GPR26: variants seen among roughly 807,000 people sequenced by gnomAD.
GPR26 encodes G protein-coupled receptor 26.
A neutral mutation model predicts 23.1 loss-of-function variants in GPR26; 15 were observed. The observed-to-expected ratio is 0.65, with a 90% confidence interval of 0.43 to 1.00. The LOEUF (loss-of-function observed/expected upper bound fraction) is 1.00, where lower values mean the gene tolerates loss of function less well. GPR26 is among the 50% of genes least tolerant of loss of function. The probability of loss-of-function intolerance (pLI) is 0.00; values close to 1 mark genes in which losing one functional copy is unlikely to be tolerated. For synonymous variants in GPR26, 228 were observed against 222.1 expected (o/e 1.03, Z -0.24); for missense variants, 359 against 470.5 (o/e 0.76, Z 2.19).
intron 2 of GPR26, among the ~76,000 whole-genome samples, chr10:123,686,477 G>T (rs146319736): frequency 4.8e-4 from 73 of 152,330 alleles, no homozygotes; most frequent in African/African-American, 1.7e-3. Flanking sequence ...AGACAGTGGT[G>T]CTGAAAATGG....
intron 2 of GPR26, among the ~76,000 whole-genome samples, chr10:123,678,490 GA>G (rs1845332760): frequency 6.6e-6 from 1 of 152,208 alleles, no homozygotes; most frequent in Non-Finnish European, 1.5e-5. Flanking sequence ...TTGGGGTCAG[GA>G]GGCCTGAAGG....
rs1171570885 is a variant in GPR26, at chr10:123,694,450, A to T, written c.*6290A>T. The T allele has an allele frequency of 2.6e-5, 4 of 152,228 alleles. No individual in the cohort carries two copies. The highest frequency in any genetic ancestry group is 9.7e-5 in the African/African-American group (4 of 41,422). 9.4% of individuals were successfully genotyped at this position (152,228 alleles called of 1,614,324 possible). On this transcript the variant is annotated 3_prime_UTR_variant, in exon 3 of 3. Transcript: ENST00000284674. ...TGATAGAAGTCTTGAGGTTGGGAAT[A>T]TAAGAATTAGGTCTCTTTTAGAAAG...
chr10:123,674,736 C>G lies in GPR26; in HGVS notation c.669-82C>G, dbSNP rs1845286945. 2.1e-5 allele frequency: 18 copies of G among 840,336 alleles called. No homozygotes were observed. The East Asian group carries it at 4.7e-4, about 22-fold the overall frequency. 52.1% of individuals were successfully genotyped at this position (840,336 alleles called of 1,614,324 possible). The stretch of plus-strand genomic sequence containing the variant: ...AGTCAAGTTCTCACACTAGAGACTG[C>G]TGCCTGTGTTAGTAAATAGTGCCTC... On this transcript the variant is annotated intron_variant, in intron 1 of 2. Transcript: ENST00000284674. The surrounding 1 kb of genome is among the most constrained non-coding windows in gnomAD (Gnocchi z 4.1).
intron 2 of GPR26, among the ~76,000 whole-genome samples, chr10:123,676,609 C>G (rs1430927699): frequency 6.6e-6 from 1 of 152,188 alleles, no homozygotes. Context: ...CTAGACCCAC[C>G]ACATCTAGCC....
At chr10:123,675,080 G>C in intron 2 of GPR26, 149 bp downstream of exon 2, 2 of 591,278 alleles carry the variant, frequency 3.4e-6, no homozygotes, top group Non-Finnish European at 6.1e-6. Flanking sequence ...TTAGTGAACA[G>C]GAGGCTGCTT....
chr10:123,693,146 T>G lies in GPR26; in HGVS notation c.*4986T>G, dbSNP rs1004144320. 3 of 152,210 alleles carry G rather than the reference T, an allele frequency of 2.0e-5. No homozygotes were observed. The highest frequency in any genetic ancestry group is 2.9e-5 in the Non-Finnish European group (2 of 68,064). 9.4% of individuals were successfully genotyped at this position (152,210 alleles called of 1,614,324 possible). ...CTCCCGTCATATGGCTGCCACTTGC[T>G]TGGGAAGGAATTCTCCAGACTCCTT... On this transcript the variant is annotated 3_prime_UTR_variant, in exon 3 of 3. Coordinates refer to ENST00000284674, the MANE Select transcript of GPR26 (RefSeq NM_153442.4).
chr10:123,667,125 C>A (rs776118142), intron 1 of GPR26, 50 bp downstream of exon 1: 43 of 1,359,090 alleles, frequency 3.2e-5, no homozygotes, highest in Non-Finnish European at 3.7e-5. Context: ...GGGATCTCGG[C>A]GGGAGTGGGA....
chr10:123,676,989 G>A (rs1845317984), intron 2 of GPR26, among the ~76,000 whole-genome samples: 1 of 152,160 alleles, frequency 6.6e-6, no homozygotes, highest in African/African-American at 2.4e-5. Context: ...CACCAAGAGG[G>A]GATTTGATCC....
intron 2 of GPR26, among the ~76,000 whole-genome samples, chr10:123,679,728 G>A (rs1340577416): frequency 6.6e-6 from 1 of 152,160 alleles, no homozygotes; most frequent in Non-Finnish European, 1.5e-5. Context: ...GGCCTCTGGG[G>A]AGTCTTTGCA....
At chr10:123,669,796 T>G (rs2133921726) in intron 1 of GPR26, among the ~76,000 whole-genome samples, 1 of 152,298 alleles carries the variant, frequency 6.6e-6, no homozygotes, top group South Asian at 2.1e-4. Context: ...TCTTCTTAAT[T>G]CAATCTGGGA....
chr10:123,668,961 C>T (rs1266146073), intron 1 of GPR26, among the ~76,000 whole-genome samples: 2 of 152,240 alleles, frequency 1.3e-5, no homozygotes, highest in African/African-American at 2.4e-5. Flanking sequence ...GCAAATCCCT[C>T]TGGCCGATGT....
intron 1 of GPR26, among the ~76,000 whole-genome samples, chr10:123,672,769 C>A (rs573966974): frequency 1.2e-4 from 19 of 152,144 alleles, no homozygotes; most frequent in Non-Finnish European, 2.5e-4. Flanking sequence ...CAGATCTGAG[C>A]CTTTTCCTTT....
At chr10:123,684,108 T>G (rs1845407103) in intron 2 of GPR26, among the ~76,000 whole-genome samples, 1 of 151,266 alleles carries the variant, frequency 6.6e-6, no homozygotes, top group Non-Finnish European at 1.5e-5. Flanking sequence ...AGGGCAGGCA[T>G]GTGAGCCTTT....
rs1463865534 is a variant in GPR26, at chr10:123,697,208, CA to C, written c.*9049del. On this transcript the variant is annotated 3_prime_UTR_variant, in exon 3 of 3. Coordinates refer to ENST00000284674, the MANE Select transcript of GPR26 (RefSeq NM_153442.4). ...ACCTTCTGTGTAATCCACTTGCCAA[CA>C]GCTGTTTTCTGTTGAAATGGGACTC... Among the ~76,000 whole-genome samples the C allele has an allele frequency of 6.6e-6, 1 of 152,188 alleles. No individual in the cohort carries two copies. Among genetic ancestry groups the C allele is most frequent in the Non-Finnish European group, 1.5e-5 (1 of 68,042 alleles).
intron 1 of GPR26, among the ~76,000 whole-genome samples, chr10:123,671,965 C>T (rs1163351651): frequency 6.6e-6 from 1 of 152,084 alleles, no homozygotes; most frequent in African/African-American, 2.4e-5. Flanking sequence ...AGCGGGTGAG[C>T]TGTTCTCATA....
intron 2 of GPR26, among the ~76,000 whole-genome samples, chr10:123,683,290 G>A (rs1296643387): frequency 1.3e-5 from 2 of 152,226 alleles, no homozygotes; most frequent in African/African-American, 2.4e-5. Context: ...TGTTCCGGCT[G>A]TGTAGCTTTG....
At position 123,688,035 on chromosome 10, in the gene GPR26, C is replaced by G; in HGVS notation, c.889C>G (p.Leu297Val). ...AASDPFVYSL[L>V]RHQYRKSCKE... is the part of the protein sequence containing the mutation. ...ATCCGACCCCTTTGTGTACTCCTTA[C>G]TGCGACACCAGTACCGCAAAAGCTG... Residue 297 changes from leucine to valine, a missense_variant, in exon 3 of 3, where the codon CTG (leucine) becomes GTG (valine). Physicochemically the swap from Leu to Val is conservative, Grantham distance 32. Transcript: ENST00000284674. The G allele has an allele frequency of 6.2e-7, 1 of 1,613,720 alleles. No individual in the cohort carries two copies. The highest frequency in any genetic ancestry group is 1.3e-5 in the African/African-American group (1 of 75,066).
At chr10:123,667,204 G>A (rs546194438) in intron 1 of GPR26, 129 bp downstream of exon 1, 6 of 747,530 alleles carry the variant, frequency 8.0e-6, no homozygotes, top group Middle Eastern at 3.9e-4. Flanking sequence ...GGTGGGGAAA[G>A]CGGCCCAGCT....
Position 123,666,460 on chromosome 10 carries a change from T to C in GPR26, c.53T>C (p.Val18Ala), listed in dbSNP as rs1440068362. Residue 18 changes from valine (V) to alanine (A), a missense_variant, in exon 1 of 3, where the codon GTC becomes GCC. Transcript: ENST00000284674. ...LAGLLVGTMG[V>A]SLLSNALVLL... ...GGGCTACTGGTGGGCACGATGGGCG[T>C]CTCGCTGCTGTCCAACGCGCTGGTG... 1.3e-6 allele frequency: 2 copies of C among 1,550,084 alleles called. No individual in the cohort carries two copies. The highest frequency in any genetic ancestry group is 3.7e-5 in the Admixed American group (2 of 53,354).
Sources: gnomAD v4.1 joint callset for allele counts (sites outside exome capture counted in the v4.1 genomes callset) on GRCh38, gnomAD v4.1.1 for gene constraint, Gnocchi (gnomAD v3.1) non-coding constraint, MANE v1.5 for transcripts, NCBI Gene and HGNC (gene_info 2026-07-23, HGNC 2026-07-21) for gene names.